Variants in SLC12A7 observed in about 807,000 individuals in gnomAD.
SLC12A7 encodes solute carrier family 12 member 7, also known as K-Cl cotransporter 4.
Under a neutral mutation model 120.6 loss-of-function variants are expected in SLC12A7, and 100 were observed. The ratio of observed to expected loss-of-function variants is 0.83; its 90% confidence interval spans 0.71 to 0.98. SLC12A7 has a LOEUF of 0.98. Ranked by LOEUF, SLC12A7 falls within the 50% of genes least tolerant of loss-of-function variation. The probability of loss-of-function intolerance (pLI) is 0.00; values close to 1 mark genes in which losing one functional copy is unlikely to be tolerated. For missense variants in SLC12A7, 1,373 were observed against 1,548.1 expected, an observed-to-expected ratio of 0.89 and a Z score of 1.90; for synonymous variants, 760 against 678.0, an observed-to-expected ratio of 1.12 and a Z score of -1.88.
chr5:1,130,582 G>A, the SLC12A7 span, among the ~76,000 whole-genome samples: 5 of 150,818 alleles, frequency 3.3e-5, no homozygotes, highest in South Asian at 2.1e-4. Context: ...TAGCCAGGGC[G>A]GCTGCCCGCG....
rs945077444 is a variant in SLC12A7 at position 1,094,118 on chromosome 5, G to A, written c.219+36C>T. On this transcript the variant is annotated intron_variant, in intron 2 of 23. Transcript: ENST00000264930. ...TTTACTTTTCCACATCAAAGCAACG[G>A]CCCTGGCACCTTCTTCTTCTAAAAA... 4.5e-6 allele frequency: 7 copies of A among 1,552,534 alleles called. No individual in the cohort carries two copies. The South Asian group carries it at 6.7e-5, about 15-fold the overall frequency.
At chr5:1,085,538 G>A (rs961085365) in intron 6 of SLC12A7, 65 bp from the exon 7 acceptor site, 78 of 1,502,152 alleles carry the variant, frequency 5.2e-5, no homozygotes, top group Non-Finnish European at 5.6e-5. Flanking sequence ...CGTCCCTCCC[G>A]CAAGCCCCCA....
At chr5:1,085,580 C>A (rs1171762330) in intron 6 of SLC12A7, 107 bp from the exon 7 acceptor site, 1 of 1,431,430 alleles carries the variant, frequency 7.0e-7, no homozygotes, top group Admixed American at 2.3e-5. Flanking sequence ...CCAACAGGTG[C>A]CGGGGCCATC....
the SLC12A7 span, among the ~76,000 whole-genome samples, chr5:1,121,382 T>C: frequency 6.6e-6 from 1 of 152,198 alleles, no homozygotes; most frequent in African/African-American, 2.4e-5. Flanking sequence ...GGAAAGCTCA[T>C]GGACTTGCTG....
intron 8 of SLC12A7, 74 bp downstream of exon 8, chr5:1,083,671 G>T: frequency 6.8e-7 from 1 of 1,477,746 alleles, no homozygotes; most frequent in Non-Finnish European, 9.3e-7. Flanking sequence ...ACTCTAAGGC[G>T]AGAGCAGCCA....
In SLC12A7 at chr5:1,090,036, C is replaced by T. The variant is rs531659222; in HGVS notation, c.343-908G>A. Among the ~76,000 whole-genome samples, 43 of 152,380 alleles carry T rather than the reference C, an allele frequency of 2.8e-4. 2 individuals carry two copies. In the South Asian group the frequency reaches 8.1e-3, roughly 29 times the overall value. On this transcript the variant is annotated intron_variant, in intron 3 of 23. Transcript: ENST00000264930. ...AAAGGGGGAAGGTTTTATTTGAAGA[C>T]ACTTCCTGTGAACAGTGGCCACAAT...
At chr5:1,082,068 C>T (rs77365101) in intron 8 of SLC12A7, among the ~76,000 whole-genome samples, 31 of 54,504 alleles carry the variant, frequency 5.7e-4, no homozygotes, top group South Asian at 1.2e-3. Flanking sequence ...CTGGGCTTCC[C>T]ATCTTGGGTT....
intron 21 of SLC12A7, 113 bp downstream of exon 21, chr5:1,060,231 G>C: frequency 1.3e-6 from 1 of 787,658 alleles, no homozygotes; most frequent in Non-Finnish European, 2.2e-6. Context: ...CAGTACCTGA[G>C]GCATGCTCTC....
At position 1,057,470 on chromosome 5, in the gene SLC12A7, C is replaced by T. The variant is rs746921071; in HGVS notation, c.3026+1G>A. On this transcript the variant is annotated splice_donor_variant, in intron 22 of 23. Transcript: ENST00000264930. LOFTEE classifies it high-confidence loss of function. ...CCCAGGCCACACGCACGGACACTCA[C>T]GGCTTCATGCTGAAGAGGTCTTTGA... 1.6e-5 allele frequency: 26 copies of T among 1,608,394 alleles called. No homozygotes were observed. The highest frequency in any genetic ancestry group is 3.3e-5 in the South Asian group (3 of 90,544).
At chr5:1,082,238 G>A (rs58207301) in intron 8 of SLC12A7, among the ~76,000 whole-genome samples, 5,744 of 125,876 alleles carry the variant, frequency 0.046, no homozygotes, top group African/African-American at 0.12. Flanking sequence ...GTTCTGGAAA[G>A]CCTGGGCTTC....
chr5:1,053,714 C>T (rs1276129013), intron 22 of SLC12A7, among the ~76,000 whole-genome samples: 1 of 152,234 alleles, frequency 6.6e-6, no homozygotes, highest in Non-Finnish European at 1.5e-5. Context: ...CCTCCAGGGA[C>T]CTAGAACTCA....
Position 1,060,389 on chromosome 5 carries a change from C to G in SLC12A7, c.2802G>C (p.Gln934His). The change falls in exon 21 of 24, where the codon CAG (glutamine) becomes CAC (histidine). Residue 934 changes from glutamine to histidine, a missense_variant. Gln to His is a conservative substitution (Grantham distance 24). Coordinates refer to ENST00000264930, the MANE Select transcript of SLC12A7 (RefSeq NM_006598.3). ...TGGACAGCTGCATCTGCTTCAGCAT[C>G]TGCGACCTCTGCTCCATCATTAGTG... ...ERTLMMEQRS[Q>H]MLKQMQLSKN... The G allele has an allele frequency of 6.2e-7, 1 of 1,613,806 alleles. No individual in the cohort carries two copies. The highest frequency in any genetic ancestry group is 8.5e-7 in the Non-Finnish European group (1 of 1,179,978).
Position 1,111,929 on chromosome 5 carries a change from A to T in SLC12A7, c.63T>A (p.Thr21=), listed in dbSNP as rs1743046856. ...EAHADGGGDE[T]AERTEAPGTP... is the part of the protein sequence containing the mutation. ...TGCCCGGAGCCTCCGTCCGCTCGGC[A>T]GTCTCGTCCCCGCCGCCGTCGGCGT... Residue 21 remains threonine, a synonymous_variant, in exon 1 of 24, where the codon ACT becomes ACA. Transcript: ENST00000264930. 7.8e-7 allele frequency: 1 copy of T among 1,282,880 alleles called. No homozygotes were observed. Among genetic ancestry groups the T allele is most frequent in the Non-Finnish European group, 9.9e-7 (1 of 1,013,672 alleles). 79.5% of individuals were successfully genotyped at this position (1,282,880 alleles called of 1,614,324 possible). A position where few individuals can be genotyped will look rare whatever the true frequency, so the allele number is the denominator to read the frequency against.
intron 1 of SLC12A7, among the ~76,000 whole-genome samples, chr5:1,103,706 G>A (rs1258856369): frequency 1.3e-5 from 2 of 152,224 alleles, no homozygotes; most frequent in Non-Finnish European, 2.9e-5. Flanking sequence ...AGTCCCAGGG[G>A]CTACAGCCCC....
At chr5:1,085,728 C>G (rs538448745) in intron 6 of SLC12A7, among the ~76,000 whole-genome samples, 25 of 152,322 alleles carry the variant, frequency 1.6e-4, no homozygotes, top group Non-Finnish European at 3.2e-4. Context: ...CCGCGGGGGT[C>G]AGCGCACAGG....
At chr5:1,151,707 G>A in the SLC12A7 span, among the ~76,000 whole-genome samples, 4 of 152,138 alleles carry the variant, frequency 2.6e-5, no homozygotes, top group African/African-American at 4.8e-5. This position sits in a 1 kb window ranked among gnomAD's most constrained non-coding sequence, Gnocchi z 6.2. Context: ...CCCGGGAGGC[G>A]GGGGGCAGGG....
chr5:1,058,048 T>G (rs1233888090), intron 21 of SLC12A7, among the ~76,000 whole-genome samples: 1 of 152,164 alleles, frequency 6.6e-6, no homozygotes, highest in Non-Finnish European at 1.5e-5. Flanking sequence ...TTGGGGCAGG[T>G]GGGGCCGTAC....
At chr5:1,152,291 G>A in the SLC12A7 span, among the ~76,000 whole-genome samples, 1 of 152,230 alleles carries the variant, frequency 6.6e-6, no homozygotes, top group Non-Finnish European at 1.5e-5. Flanking sequence ...CAGTGTGCAG[G>A]GGGCAGTCAT....
intron 2 of SLC12A7, among the ~76,000 whole-genome samples, 177 bp from the exon 3 acceptor site, chr5:1,093,832 T>G (rs1298880072): frequency 6.6e-6 from 1 of 152,112 alleles, no homozygotes. Flanking sequence ...AGGCCAGGGC[T>G]CCAGGCCTCA....
Sources: allele counts gnomAD v4.1 joint callset (sites outside exome capture counted in the v4.1 genomes callset), GRCh38; gene constraint gnomAD v4.1.1; non-coding constraint Gnocchi (gnomAD v3.1); transcripts MANE v1.5; gene names NCBI Gene and HGNC (gene_info 2026-07-23, HGNC 2026-07-21).